Variants in TMEM144 observed in about 807,000 individuals in gnomAD.
TMEM144 encodes transmembrane protein 144.
In TMEM144, 39 loss-of-function variants were observed where a neutral mutation model predicts 43.6. The observed-to-expected ratio is 0.90, with a 90% confidence interval of 0.69 to 1.17. The LOEUF is 1.17. TMEM144 is among the 50% of genes most tolerant of loss of function. The pLI is 0.00. For synonymous variants in TMEM144, 154 were observed against 133.6 expected, an observed-to-expected ratio of 1.15 and a Z score of -1.06; for missense variants, 417 against 411.9, an observed-to-expected ratio of 1.01 and a Z score of -0.11.
At chr4:158,216,617 T>A (rs552411748) in intron 4 of TMEM144, among the ~76,000 whole-genome samples, 4 of 152,208 alleles carry the variant, frequency 2.6e-5, no homozygotes, top group African/African-American at 9.6e-5. Flanking sequence ...GCTGAAATCA[T>A]GAAATTAGGT....
chr4:158,244,653 G>A (rs1164661260), intron 12 of TMEM144, among the ~76,000 whole-genome samples: 1 of 152,182 alleles, frequency 6.6e-6, no homozygotes, highest in Non-Finnish European at 1.5e-5. Context: ...CTGGGCAAAA[G>A]AGCGAGACTC....
chr4:158,240,138 GC>G lies in TMEM144; in HGVS notation c.683-159del, dbSNP rs367576586. On this transcript the variant is annotated intron_variant, in intron 9 of 12. Transcript: ENST00000296529. ...CTGACCTCGTGATCCACCCGGCTCG[GC>G]CTCCCAAAGTGCTAGGATTACAGGT... Among the ~76,000 whole-genome samples the G allele has an allele frequency of 2.7e-3, 409 of 152,232 alleles. 3 individuals are homozygous for G. The highest frequency in any genetic ancestry group is 9.3e-3 in the African/African-American group (387 of 41,534).
At chr4:158,240,472 C>T (rs965688093) in intron 10 of TMEM144, 54 bp downstream of exon 10, 10 of 1,531,696 alleles carry the variant, frequency 6.5e-6, no homozygotes, top group Non-Finnish European at 8.8e-6. Flanking sequence ...ATCTACAACT[C>T]ATTTAACTTG....
intron 5 of TMEM144, 26 bp from the exon 6 acceptor site, chr4:158,219,284 T>C (rs1368097882): frequency 1.2e-6 from 2 of 1,611,556 alleles, no homozygotes; most frequent in East Asian, 2.2e-5. Context: ...CAATATTTAA[T>C]TTGATGTGAC....
Position 158,254,451 on chromosome 4 carries a change from T to C in TMEM144, c.*924T>C, listed in dbSNP as rs1736377999. 2.0e-5 allele frequency: 3 copies of C among 151,196 alleles called. No individual in the cohort carries two copies. Among genetic ancestry groups the C allele is most frequent in the Admixed American group, 2.0e-4 (3 of 15,210 alleles). The allele number at this position is 151,196 out of a possible 1,614,324, so 9.4% of individuals were successfully genotyped here. ...GGCATGCTAGTTTTTTTTTTTTTTT[T>C]TTTTTTTTAAGAAAACTGAAATTAA... On this transcript the variant is annotated 3_prime_UTR_variant, in exon 13 of 13. Transcript: ENST00000296529.
At chr4:158,222,597 T>G (rs1221717100) in intron 6 of TMEM144, among the ~76,000 whole-genome samples, 1 of 152,256 alleles carries the variant, frequency 6.6e-6, no homozygotes, top group African/African-American at 2.4e-5. Flanking sequence ...GAGTCTACTT[T>G]GTATTACTTA....
intron 6 of TMEM144, among the ~76,000 whole-genome samples, chr4:158,220,320 G>A (rs565487085): frequency 1.3e-5 from 2 of 152,218 alleles, no homozygotes; most frequent in South Asian, 4.2e-4. Flanking sequence ...TATGTATTTT[G>A]TATAATTCAC....
chr4:158,243,479 G>A (rs1210950960), intron 11 of TMEM144, among the ~76,000 whole-genome samples: 2 of 152,034 alleles, frequency 1.3e-5, no homozygotes, highest in Non-Finnish European at 2.9e-5. Flanking sequence ...GAGTTTCTCG[G>A]AGTTTGAAGA....
At chr4:158,219,885 C>G (rs1734425558) in intron 6 of TMEM144, among the ~76,000 whole-genome samples, 1 of 152,152 alleles carries the variant, frequency 6.6e-6, no homozygotes, top group Non-Finnish European at 1.5e-5. Context: ...CCTGTGAGAA[C>G]ACATACTCTT....
chr4:158,217,003 TGATAATTTA>T, intron 4 of TMEM144, among the ~76,000 whole-genome samples: 1 of 152,306 alleles, frequency 6.6e-6, no homozygotes, highest in Non-Finnish European at 1.5e-5. Context: ...GGATGGTCAC[TGATAATTTA>T]TCACTGACAG....
At chr4:158,220,862 C>T (rs140527939) in intron 6 of TMEM144, among the ~76,000 whole-genome samples, 218 of 152,268 alleles carry the variant, frequency 1.4e-3, no homozygotes, top group Non-Finnish European at 2.4e-3. Flanking sequence ...AATTCAAGAA[C>T]TCTTCCCGTA....
intron 6 of TMEM144, 61 bp from the exon 7 acceptor site, chr4:158,232,840 C>A: frequency 8.7e-7 from 1 of 1,154,150 alleles, no homozygotes; most frequent in Non-Finnish European, 1.3e-6. Flanking sequence ...TCTTAAAAAT[C>A]AAGCAGCTTG....
At chr4:158,235,292 T>C in intron 7 of TMEM144, 146 bp from the exon 8 acceptor site, 2 of 744,876 alleles carry the variant, frequency 2.7e-6, no homozygotes, top group Admixed American at 3.1e-5. Flanking sequence ...CAGTTGAGTT[T>C]AGAGATATCA....
intron 8 of TMEM144, 43 bp from the exon 9 acceptor site, chr4:158,237,482 C>T (rs369715343): frequency 6.8e-7 from 1 of 1,473,684 alleles, no homozygotes; most frequent in Non-Finnish European, 9.4e-7. Context: ...GTCAGAAATA[C>T]TGCTTTGAGC....
intron 5 of TMEM144, 29 bp downstream of exon 5, chr4:158,217,449 G>T: frequency 6.8e-7 from 1 of 1,460,860 alleles, no homozygotes; most frequent in Non-Finnish European, 9.6e-7. Context: ...GTTCAACTAA[G>T]ATTTCCTGCA....
chr4:158,215,125 A>AT, intron 3 of TMEM144, 66 bp from the exon 4 acceptor site: 1 of 1,605,398 alleles, frequency 6.2e-7, no homozygotes, highest in Non-Finnish European at 8.5e-7. Context: ...CACCTCATAG[A>AT]TATTCCTGAG....
At chr4:158,214,911 A>C (rs1187795601) in intron 3 of TMEM144, among the ~76,000 whole-genome samples, 1 of 152,218 alleles carries the variant, frequency 6.6e-6, no homozygotes, top group African/African-American at 2.4e-5. Flanking sequence ...AAGCCAGAGC[A>C]CACCGTGTCT....
At chr4:158,249,194 C>T (rs1463740344) in intron 12 of TMEM144, among the ~76,000 whole-genome samples, 1 of 152,174 alleles carries the variant, frequency 6.6e-6, no homozygotes, top group African/African-American at 2.4e-5. Context: ...CGTGAGCCAC[C>T]GTGCCCGGCC....
chr4:158,238,529 T>C (rs1190970072), intron 9 of TMEM144, among the ~76,000 whole-genome samples: 1 of 152,098 alleles, frequency 6.6e-6, no homozygotes, highest in Non-Finnish European at 1.5e-5. Flanking sequence ...TTTTTTGCAT[T>C]TTTACAAAAA....
Sources: allele counts gnomAD v4.1 joint callset (sites outside exome capture counted in the v4.1 genomes callset), GRCh38; gene constraint gnomAD v4.1.1; transcripts MANE v1.5; gene names NCBI Gene and HGNC (gene_info 2026-07-23, HGNC 2026-07-21).